The following PITPNM3 variants were observed in gnomAD, a reference collection of about 807,000 sequenced individuals.
PITPNM3 encodes PITPNM family member 3.
Under a neutral mutation model 102.0 loss-of-function variants are expected in PITPNM3, and 26 were observed. That is an observed-to-expected ratio of 0.25 (90% CI 0.19 to 0.35). The LOEUF (loss-of-function observed/expected upper bound fraction) is 0.35, where lower values mean the gene tolerates loss of function less well. Among genes scored for constraint, PITPNM3 ranks in the 10% least tolerant of loss-of-function variants. The probability of loss-of-function intolerance (pLI) is 1.00; values close to 1 mark genes in which losing one functional copy is unlikely to be tolerated. For synonymous variants in PITPNM3, 578 were observed against 558.6 expected (o/e 1.03, Z -0.49); for missense variants, 1,083 against 1,346.1 (o/e 0.80, Z 3.06).
At chr17:6,493,389 CG>C (rs1028985999) in intron 4 of PITPNM3, among the ~76,000 whole-genome samples, 4 of 152,170 alleles carry the variant, frequency 2.6e-5, no homozygotes, top group African/African-American at 9.7e-5. Flanking sequence ...TGCTGAGCCT[CG>C]TGTGGGTCAA....
At chr17:6,465,637 T>TC (rs1385477280) in intron 14 of PITPNM3, among the ~76,000 whole-genome samples, 1 of 152,164 alleles carries the variant, frequency 6.6e-6, no homozygotes, top group Non-Finnish European at 1.5e-5. Flanking sequence ...CTTGCCCAAT[T>TC]CCCCAGCCTC....
intron 4 of PITPNM3, among the ~76,000 whole-genome samples, chr17:6,501,046 C>G (rs1396054687): frequency 6.6e-6 from 1 of 152,190 alleles, no homozygotes; most frequent in African/African-American, 2.4e-5. Flanking sequence ...TACTTAAACA[C>G]ACATTTTTCT....
rs1329106670 is a variant in PITPNM3 at position 6,543,183 on chromosome 17, C to G, written c.23-5101G>C. Among the ~76,000 whole-genome samples the G allele has an allele frequency of 2.0e-5, 3 of 152,204 alleles. No individual in the cohort carries two copies. The East Asian group carries it at 5.8e-4, about 29-fold the overall frequency. ...AGTGGGAGGGGCTGCTGGAAGCCAT[C>G]CCCACTCCCTCTCCTGGCCCCGATA... On this transcript the variant is annotated intron_variant, in intron 1 of 19. Transcript: ENST00000262483.
At chr17:6,487,057 G>A (rs983319885) in intron 4 of PITPNM3, among the ~76,000 whole-genome samples, 6 of 152,132 alleles carry the variant, frequency 3.9e-5, no homozygotes, top group Admixed American at 6.5e-5. Context: ...GAGACAAAGC[G>A]CTCATGCTTC....
In PITPNM3 at chr17:6,468,163, G is replaced by A. The variant is rs543326094; in HGVS notation, c.1890+62C>T. 1.0e-4 allele frequency: 154 copies of A among 1,535,894 alleles called. 1 individual carries two copies. In the East Asian group the frequency reaches 2.6e-3, roughly 26 times the overall value. ...CTCCCATGTGGATGCCCCAGCCCCC[G>A]GGCCAGCCCCACCTCCCGGAGGACA... is the stretch of plus-strand genomic sequence containing the variant. On this transcript the variant is annotated intron_variant, in intron 14 of 19. Transcript: ENST00000262483. The surrounding 1 kb of genome is among the most constrained non-coding windows in gnomAD (Gnocchi z 5.2).
chr17:6,457,939 C>T lies in PITPNM3; in HGVS notation c.2491-217G>A, dbSNP rs1035081266. Among the ~76,000 whole-genome samples the T allele has an allele frequency of 1.3e-5, 2 of 151,924 alleles. No individual in the cohort carries two copies. Among genetic ancestry groups the T allele is most frequent in the Non-Finnish European group, 2.9e-5 (2 of 67,968 alleles). On this transcript the variant is annotated intron_variant, in intron 18 of 19. Transcript: ENST00000262483. This position sits in a 1 kb window ranked among gnomAD's most constrained non-coding sequence, Gnocchi z 4.7. ...CCCAGGTCTCTGCCCAGTAAACAGT[C>T]GTGACCACACCATTTACCGGCCCCG... is the stretch of plus-strand genomic sequence containing the variant.
At chr17:6,464,400 G>C in intron 15 of PITPNM3, 82 bp from the exon 16 acceptor site, 1 of 1,452,614 alleles carries the variant, frequency 6.9e-7, no homozygotes, top group Non-Finnish European at 9.5e-7. Context: ...GGGGAACTCT[G>C]GGCTGAGGTC....
chr17:6,547,357 C>T (rs1474987318), intron 1 of PITPNM3, among the ~76,000 whole-genome samples: 1 of 152,202 alleles, frequency 6.6e-6, no homozygotes. Context: ...ATAGCTTTGG[C>T]TATCTATTGT....
At chr17:6,456,034 ATTT>A (rs1914102068) in intron 19 of PITPNM3, among the ~76,000 whole-genome samples, 1 of 151,614 alleles carries the variant, frequency 6.6e-6, no homozygotes, top group Non-Finnish European at 1.5e-5. Flanking sequence ...TAATTAATTT[ATTT>A]ATTTGAGAAA....
At chr17:6,528,481 T>A (rs1023562972) in intron 2 of PITPNM3, among the ~76,000 whole-genome samples, 2 of 151,958 alleles carry the variant, frequency 1.3e-5, no homozygotes, top group Non-Finnish European at 2.9e-5. Context: ...TGTGCATGCA[T>A]GTGTGTGCAT....
intron 9 of PITPNM3, 40 bp downstream of exon 9, chr17:6,476,989 T>C (rs377091444): frequency 3.4e-5 from 55 of 1,609,016 alleles, no homozygotes; most frequent in Admixed American, 6.7e-5. Context: ...CAGTTGGCTC[T>C]GAGCCAAGGT....
chr17:6,478,796 G>A lies in PITPNM3; in HGVS notation c.588-60C>T, dbSNP rs1464221730. 2.0e-6 allele frequency: 3 copies of A among 1,489,882 alleles called. No individual in the cohort carries two copies. The highest frequency in any genetic ancestry group is 2.7e-6 in the Non-Finnish European group (3 of 1,112,850). The allele number at this position is 1,489,882 out of a possible 1,614,324, so 92.3% of individuals were successfully genotyped here. On this transcript the variant is annotated intron_variant, in intron 6 of 19. Transcript: ENST00000262483. The surrounding 1 kb of genome is among the most constrained non-coding windows in gnomAD (Gnocchi z 4.4). ...GATCGGGCAGGTTGGCAGGTTTGGG[G>A]CTGAGGATCAGGCAGAAGAGAGCAC...
chr17:6,509,516 G>A (rs953955335), intron 3 of PITPNM3, among the ~76,000 whole-genome samples: 3 of 152,190 alleles, frequency 2.0e-5, no homozygotes, highest in African/African-American at 4.8e-5. Context: ...TTTGCCCTGG[G>A]CTCTCCCCTT....
Position 6,556,269 on chromosome 17 carries a change from C to T in PITPNM3, c.22+116G>A. 1.1e-6 allele frequency: 1 copy of T among 876,320 alleles called. No individual in the cohort carries two copies. The highest frequency in any genetic ancestry group is 1.6e-6 in the Non-Finnish European group (1 of 642,250). 54.3% of individuals were successfully genotyped at this position (876,320 alleles called of 1,614,324 possible). On this transcript the variant is annotated intron_variant, in intron 1 of 19. Transcript: ENST00000262483. This position sits in a 1 kb window ranked among gnomAD's most constrained non-coding sequence, Gnocchi z 5.2. ...CAGCCCCGCTACCGCCCCCTACGCC[C>T]TCCCGGGACCTCCGCCCACCTGCGC...
At chr17:6,507,525 A>C (rs1907602989) in intron 3 of PITPNM3, among the ~76,000 whole-genome samples, 1 of 152,166 alleles carries the variant, frequency 6.6e-6, no homozygotes, top group Admixed American at 6.5e-5. Flanking sequence ...CAGGGGTAGC[A>C]GTGAGCCGAG....
At position 6,478,907 on chromosome 17, in the gene PITPNM3, G is replaced by T; in HGVS notation, c.588-171C>A. 1 of 654,220 alleles carries T rather than the reference G, an allele frequency of 1.5e-6. No individual in the cohort carries two copies. Among genetic ancestry groups the T allele is most frequent in the African/African-American group, 1.8e-5 (1 of 55,046 alleles). The allele number at this position is 654,220 out of a possible 1,614,324, so 40.5% of individuals were successfully genotyped here. A position where few individuals can be genotyped will look rare whatever the true frequency, so the allele number is the denominator to read the frequency against. Reference sequence around the variant, plus strand: ...ACACAGAGCACAGGCAGTGTGGGGAGGAGAGGGGAAGAGGATTCAAGCCTA... The same window carrying T: ...ACACAGAGCACAGGCAGTGTGGGGATGAGAGGGGAAGAGGATTCAAGCCTA... On this transcript the variant is annotated intron_variant, in intron 6 of 19. Transcript: ENST00000262483. This position sits in a 1 kb window ranked among gnomAD's most constrained non-coding sequence, Gnocchi z 4.4.
intron 2 of PITPNM3, among the ~76,000 whole-genome samples, chr17:6,526,834 C>A (rs950439369): frequency 6.6e-6 from 1 of 152,238 alleles, no homozygotes; most frequent in Non-Finnish European, 1.5e-5. Flanking sequence ...CTGGCTAGAG[C>A]CAGGATTTAA....
At chr17:6,495,993 TAGG>T (rs1258808004) in intron 4 of PITPNM3, among the ~76,000 whole-genome samples, 2 of 152,196 alleles carry the variant, frequency 1.3e-5, no homozygotes, top group East Asian at 1.9e-4. Flanking sequence ...AAAGCACCAG[TAGG>T]AGAACTGGGG....
intron 3 of PITPNM3, among the ~76,000 whole-genome samples, chr17:6,509,271 A>G (rs1313557071): frequency 1.3e-5 from 2 of 152,190 alleles, no homozygotes; most frequent in African/African-American, 4.8e-5. Context: ...CCAACAAATC[A>G]TGAGTTCCCC....
Sources: allele counts gnomAD v4.1 joint callset (sites outside exome capture counted in the v4.1 genomes callset), GRCh38; gene constraint gnomAD v4.1.1; non-coding constraint Gnocchi (gnomAD v3.1); transcripts MANE v1.5; gene names NCBI Gene and HGNC (gene_info 2026-07-23, HGNC 2026-07-21).